Variants in WDFY4 observed in about 807,000 individuals in gnomAD.
The protein encoded by WDFY4 is WD repeat- and FYVE domain-containing protein 4.
WDFY4 carries 169 observed loss-of-function variants against 351.9 expected under a neutral mutation model. The observed-to-expected ratio is 0.48, with a 90% CI of 0.42 to 0.55. The LOEUF (loss-of-function observed/expected upper bound fraction) is 0.55. WDFY4 is among the 20% of genes least tolerant of loss of function. The pLI is 0.00. For missense variants in WDFY4, 3,803 were observed against 3,935.6 expected (o/e 0.97, Z 0.90); for synonymous variants, 1,622 against 1,574.6 (o/e 1.03, Z -0.71).
At chr10:48,977,572 T>A (rs181007721) in intron 59 of WDFY4, among the ~76,000 whole-genome samples, 4 of 152,356 alleles carry the variant, frequency 2.6e-5, no homozygotes, top group Admixed American at 2.0e-4. Flanking sequence ...AAGCAGGGCA[T>A]CCTGGGATGG....
At position 48,828,826 on chromosome 10, in the gene WDFY4, T is replaced by C. The variant is rs2068088018; in HGVS notation, c.6270T>C (p.Tyr2090=). ...AGCCCAAGCCTAGAATGTCTACTTA[T>C]CATCAAGTCTTCCTTTCCCCAAATG... ...GLEPKPRMST[Y]HQVFLSPNED... Residue 2090 remains tyrosine, a synonymous_variant, in exon 37 of 62, where the codon TAT becomes TAC. Transcript: ENST00000325239. 1.9e-6 allele frequency: 3 copies of C among 1,548,526 alleles called. No homozygotes were observed. Among genetic ancestry groups the C allele is most frequent in the Non-Finnish European group, 1.7e-6 (2 of 1,145,898 alleles).
chr10:48,929,280 AG>A (rs1436652765), intron 47 of WDFY4, among the ~76,000 whole-genome samples: 1 of 152,088 alleles, frequency 6.6e-6, no homozygotes, highest in Non-Finnish European at 1.5e-5. Flanking sequence ...GGAGGGTGGG[AG>A]GAGGCACAAT....
chr10:48,890,081 G>A (rs1306194277), intron 43 of WDFY4, among the ~76,000 whole-genome samples: 1 of 152,242 alleles, frequency 6.6e-6, no homozygotes. Flanking sequence ...TTCTGCACAT[G>A]TTTCCTTGGC....
chr10:48,777,283 T>A (rs1305017418), intron 16 of WDFY4, 136 bp from the exon 17 acceptor site: 2 of 867,928 alleles, frequency 2.3e-6, no homozygotes, highest in Admixed American at 2.1e-5. Context: ...AGTCCATCCT[T>A]GGGACCTTAT....
In WDFY4 at chr10:48,817,524, A is replaced by G. The variant is rs2067662992; in HGVS notation, c.5505+115A>G. 4.6e-6 allele frequency: 6 copies of G among 1,295,660 alleles called. No individual in the cohort carries two copies. The African/African-American group carries it at 5.9e-5, about 13-fold the overall frequency. The allele number at this position is 1,295,660 out of a possible 1,614,324, so 80.3% of individuals were successfully genotyped here. On this transcript the variant is annotated intron_variant, in intron 32 of 61. Coordinates refer to ENST00000325239, the MANE Select transcript of WDFY4 (RefSeq NM_001394531.1). ...TAAAATTAAAATACATTTTAAGGCA[A>G]CTTGAGCGGAACATTGAATAAGCAG...
At chr10:48,934,994 T>C (rs768861279) in intron 47 of WDFY4, among the ~76,000 whole-genome samples, 10 of 152,242 alleles carry the variant, frequency 6.6e-5, no homozygotes, top group Non-Finnish European at 1.3e-4. Context: ...AGCTTCCTCC[T>C]CTCCTAAATA....
chr10:48,737,335 A>T (rs2064704238), intron 11 of WDFY4, among the ~76,000 whole-genome samples: 1 of 152,024 alleles, frequency 6.6e-6, no homozygotes, highest in Non-Finnish European at 1.5e-5. Context: ...CATTAACATG[A>T]TATATTTGAT....
At chr10:48,911,267 A>C (rs1837975850) in intron 47 of WDFY4, among the ~76,000 whole-genome samples, 1 of 152,206 alleles carries the variant, frequency 6.6e-6, no homozygotes, top group Non-Finnish European at 1.5e-5. Context: ...AAAAATGTGA[A>C]GGACAGTGCT....
chr10:48,848,531 G>GGTC (rs1350897084), intron 39 of WDFY4, among the ~76,000 whole-genome samples: 2 of 152,180 alleles, frequency 1.3e-5, no homozygotes, highest in Non-Finnish European at 2.9e-5. Flanking sequence ...GGTCATGCTG[G>GGTC]GTCTCTTTAA....
intron 53 of WDFY4, among the ~76,000 whole-genome samples, chr10:48,963,470 T>C (rs1841949822): frequency 6.6e-6 from 1 of 152,218 alleles, no homozygotes; most frequent in South Asian, 2.1e-4. Context: ...GAACCAGCTC[T>C]CCTTGTTTCA....
chr10:48,840,695 G>A (rs2068574985), intron 39 of WDFY4, among the ~76,000 whole-genome samples: 1 of 152,160 alleles, frequency 6.6e-6, no homozygotes, highest in Non-Finnish European at 1.5e-5. Flanking sequence ...TGAAAAAGTG[G>A]CAACATCACC....
intron 43 of WDFY4, among the ~76,000 whole-genome samples, chr10:48,890,176 GTCCCTGGACAAGC>G (rs2070633527): frequency 6.6e-6 from 1 of 152,196 alleles, no homozygotes; most frequent in Admixed American, 6.5e-5. Context: ...GTACTGGCTG[GTCCCTGGACAAGC>G]TCCCTCTCCT....
At chr10:48,849,016 A>G (rs2068870687) in intron 39 of WDFY4, among the ~76,000 whole-genome samples, 1 of 152,142 alleles carries the variant, frequency 6.6e-6, no homozygotes, top group Non-Finnish European at 1.5e-5. Context: ...CTACCTTGGC[A>G]GCAGTTTCAC....
intron 47 of WDFY4, among the ~76,000 whole-genome samples, chr10:48,907,546 A>G (rs148335099): frequency 6.6e-6 from 1 of 152,342 alleles, no homozygotes; most frequent in Non-Finnish European, 1.5e-5. Context: ...TTATCTTTGA[A>G]AAATAATGAA....
intron 47 of WDFY4, among the ~76,000 whole-genome samples, chr10:48,926,877 C>T (rs1474686106): frequency 3.3e-5 from 5 of 152,320 alleles, no homozygotes; most frequent in African/African-American, 9.6e-5. Flanking sequence ...GAGGCAGGAA[C>T]TCGTTGTTTC....
At chr10:48,947,868 C>T (rs1489994816) in intron 51 of WDFY4, among the ~76,000 whole-genome samples, 1 of 152,218 alleles carries the variant, frequency 6.6e-6, no homozygotes, top group African/African-American at 2.4e-5. Flanking sequence ...CTGCAATGGT[C>T]TGACGGAGAG....
chr10:48,928,407 T>TGTG (rs1554814750), intron 47 of WDFY4, among the ~76,000 whole-genome samples: 2 of 123,310 alleles, frequency 1.6e-5, no homozygotes, highest in Non-Finnish European at 1.7e-5. Flanking sequence ...TTGGTGGGGG[T>TGTG]TGGCACAGGA....
At chr10:48,958,716 C>A (rs895068471) in intron 52 of WDFY4, among the ~76,000 whole-genome samples, 7 of 152,088 alleles carry the variant, frequency 4.6e-5, no homozygotes, top group African/African-American at 1.7e-4. Flanking sequence ...TAGACAATTT[C>A]TATACTGTAA....
intron 40 of WDFY4, among the ~76,000 whole-genome samples, chr10:48,871,998 G>A (rs1228594895): frequency 6.6e-6 from 1 of 152,060 alleles, no homozygotes; most frequent in Non-Finnish European, 1.5e-5. Flanking sequence ...TATTATTATG[G>A]TACTATTATT....
Sources: gnomAD v4.1 joint callset for allele counts (sites outside exome capture counted in the v4.1 genomes callset) on GRCh38, gnomAD v4.1.1 for gene constraint, MANE v1.5 for transcripts, NCBI Gene and HGNC (gene_info 2026-07-23, HGNC 2026-07-21) for gene names.